Variants in LRRC49 observed in about 807,000 individuals in gnomAD.
LRRC49 encodes the protein leucine rich repeat containing 49.
A neutral mutation model predicts 83.3 loss-of-function variants in LRRC49; 50 were observed. That is an observed-to-expected ratio of 0.60 (90% confidence interval 0.48 to 0.76). The LOEUF (loss-of-function observed/expected upper bound fraction) is 0.76, where lower values mean the gene tolerates loss of function less well. Ranked by LOEUF, LRRC49 falls within the 30% of genes least tolerant of loss-of-function variation. The pLI, the probability that LRRC49 is intolerant of heterozygous loss-of-function variation, is 0.00. For synonymous variants in LRRC49, 286 were observed against 283.3 expected, an observed-to-expected ratio of 1.01 and a Z score of -0.10; for missense variants, 704 against 809.1, an observed-to-expected ratio of 0.87 and a Z score of 1.58.
intron 15 of LRRC49, among the ~76,000 whole-genome samples, chr15:71,042,849 A>C (rs1365783831): frequency 1.3e-5 from 2 of 152,186 alleles, no homozygotes; most frequent in Non-Finnish European, 2.9e-5. Flanking sequence ...GGAAAACTGG[A>C]AACTCAGATG....
rs2040013248 is a variant in LRRC49, at chr15:71,053,085, G to A, written c.*3473G>A. The A allele has an allele frequency of 6.6e-6, 1 of 152,232 alleles. No homozygotes were observed. The highest frequency in any genetic ancestry group is 6.5e-5 in the Admixed American group (1 of 15,282). The allele number at this position is 152,232 out of a possible 1,614,324, so 9.4% of individuals were successfully genotyped here. On this transcript the variant is annotated 3_prime_UTR_variant, in exon 16 of 16. Transcript: ENST00000260382. ...TGGCAGCTGGATTCATTGCAATAAT[G>A]TGTAGAGAATCAACTTCAGGAGGGG...
chr15:70,938,717 G>C (rs1051178332), intron 8 of LRRC49, among the ~76,000 whole-genome samples: 2 of 152,162 alleles, frequency 1.3e-5, no homozygotes, highest in African/African-American at 4.8e-5. Context: ...TGGCATAATA[G>C]AGTTGCCAGG....
chr15:70,951,389 T>C (rs2036212378), intron 8 of LRRC49, among the ~76,000 whole-genome samples: 1 of 152,142 alleles, frequency 6.6e-6, no homozygotes, highest in Non-Finnish European at 1.5e-5. Context: ...CTTCTTATCC[T>C]TGAGCATGGA....
chr15:70,908,904 G>T (rs1208971441), intron 5 of LRRC49, among the ~76,000 whole-genome samples: 1 of 152,200 alleles, frequency 6.6e-6, no homozygotes, highest in African/African-American at 2.4e-5. Flanking sequence ...CTATGTGCAG[G>T]AATGAGCAAA....
rs2040017470 is a variant in LRRC49 at position 71,053,585 on chromosome 15, C to T, written c.*3973C>T. 1 of 152,172 alleles carries T rather than the reference C, an allele frequency of 6.6e-6. No individual in the cohort carries two copies. Among genetic ancestry groups the T allele is most frequent in the Admixed American group, 6.5e-5 (1 of 15,272 alleles). 9.4% of individuals were successfully genotyped at this position (152,172 alleles called of 1,614,324 possible). ...GGGCTAGAATTATAGAATTTGGAGT[C>T]ATTGGCGTATAGCAGTACTTGTTTA... On this transcript the variant is annotated 3_prime_UTR_variant, in exon 16 of 16. Transcript: ENST00000260382.
In LRRC49 at chr15:71,032,478, T is replaced by C. The variant is rs143063090; in HGVS notation, c.1704-4701T>C. ...TTTCTTCCAAAACTATTCCAAACAA[T>C]TGAAAAGGAGGGACTTCTCCCTATC... is the stretch of plus-strand genomic sequence containing the variant. On this transcript the variant is annotated intron_variant, in intron 14 of 15. Transcript: ENST00000260382. Among the ~76,000 whole-genome samples the C allele has an allele frequency of 9.2e-5, 14 of 152,130 alleles. No individual in the cohort carries two copies. In the East Asian group the frequency reaches 2.5e-3, roughly 27 times the overall value.
intron 8 of LRRC49, among the ~76,000 whole-genome samples, chr15:70,961,275 G>C (rs1381888227): frequency 6.6e-6 from 1 of 152,174 alleles, no homozygotes; most frequent in African/African-American, 2.4e-5. Flanking sequence ...CCAAATGCTG[G>C]TGAGGATGGT....
intron 8 of LRRC49, among the ~76,000 whole-genome samples, chr15:70,948,200 T>A (rs1303885525): frequency 6.6e-6 from 1 of 152,090 alleles, no homozygotes; most frequent in African/African-American, 2.4e-5. Flanking sequence ...TATCAGAGGT[T>A]CTTCCTTATT....
intron 8 of LRRC49, among the ~76,000 whole-genome samples, chr15:70,961,170 T>A (rs2036590072): frequency 6.6e-6 from 1 of 152,182 alleles, no homozygotes; most frequent in Admixed American, 6.5e-5. Context: ...TATGAAAAGA[T>A]GCTCAGCATC....
chr15:71,006,949 C>G (rs2038479544), intron 11 of LRRC49, among the ~76,000 whole-genome samples: 1 of 152,024 alleles, frequency 6.6e-6, no homozygotes, highest in Admixed American at 6.6e-5. Context: ...TTCCTATTAT[C>G]AGCCTTCACC....
upstream of LRRC49, among the ~76,000 whole-genome samples, chr15:70,887,798 T>C (rs941305825): frequency 3.3e-5 from 5 of 152,230 alleles, no homozygotes; most frequent in African/African-American, 1.2e-4. Context: ...TTTTCTCAGA[T>C]GATATTTTTG....
intron 1 of LRRC49, among the ~76,000 whole-genome samples, chr15:70,869,777 C>CT (rs1186476478): frequency 6.6e-6 from 1 of 152,164 alleles, no homozygotes; most frequent in African/African-American, 2.4e-5. Flanking sequence ...AATATTCTCC[C>CT]TTTTTGCCTT....
At chr15:71,043,907 A>G (rs2039771778) in intron 15 of LRRC49, among the ~76,000 whole-genome samples, 1 of 152,222 alleles carries the variant, frequency 6.6e-6, no homozygotes, top group African/African-American at 2.4e-5. Flanking sequence ...AAATCTTCCA[A>G]TCTTAATAAT....
chr15:70,921,456 A>G (rs1207473043), intron 7 of LRRC49, among the ~76,000 whole-genome samples: 1 of 152,162 alleles, frequency 6.6e-6, no homozygotes, highest in Non-Finnish European at 1.5e-5. Flanking sequence ...TCATGACAGA[A>G]GTGGGAGTGG....
chr15:70,882,247 G>C (rs868370589), intron 2 of LRRC49: 2 of 439,126 alleles, frequency 4.6e-6, no homozygotes, highest in African/African-American at 4.0e-5. Flanking sequence ...AAAAAAAGGT[G>C]AAAGTAGAGA....
rs2039555348 is a variant in LRRC49 at position 71,037,348 on chromosome 15, A to C, written c.1857+16A>C. ...AAAGCTAGAGGTAAAACTACTGTTA[A>C]TCTTTGCGATCTAATGCCAGGATAT... is the stretch of plus-strand genomic sequence containing the variant. On this transcript the variant is annotated intron_variant, in intron 15 of 15. Transcript: ENST00000260382. 1 of 1,572,528 alleles carries C rather than the reference A, an allele frequency of 6.4e-7. No individual in the cohort carries two copies.
intron 1 of LRRC49, among the ~76,000 whole-genome samples, chr15:70,870,960 T>G (rs369000049): frequency 4.9e-5 from 3 of 60,652 alleles, no homozygotes; most frequent in African/African-American, 9.3e-5. Flanking sequence ...TTTTTTTTTT[T>G]TTTTTAGTAT....
At chr15:70,913,049 T>C (rs1429478198) in intron 6 of LRRC49, among the ~76,000 whole-genome samples, 1 of 152,224 alleles carries the variant, frequency 6.6e-6, no homozygotes, top group East Asian at 1.9e-4. Flanking sequence ...TTCAGTCCTT[T>C]GCTCATCCAT....
chr15:70,985,695 G>A (rs2037585518), intron 11 of LRRC49, among the ~76,000 whole-genome samples: 1 of 151,690 alleles, frequency 6.6e-6, no homozygotes, highest in South Asian at 2.1e-4. Flanking sequence ...TAGACATAAA[G>A]TCCTTGCCCA....
Sources: allele counts gnomAD v4.1 joint callset (sites outside exome capture counted in the v4.1 genomes callset), GRCh38; gene constraint gnomAD v4.1.1; transcripts MANE v1.5; gene names NCBI Gene and HGNC (gene_info 2026-07-23, HGNC 2026-07-21).